The following PTBP3 variants were observed in gnomAD, a reference collection of about 807,000 sequenced individuals.
PTBP3 encodes the protein polypyrimidine tract binding protein 3.
In PTBP3, 20 loss-of-function variants were observed where a neutral mutation model predicts 58.7. The ratio of observed to expected loss-of-function variants is 0.34; its 90% confidence interval spans 0.24 to 0.50. The LOEUF (loss-of-function observed/expected upper bound fraction) is 0.50. Ranked by LOEUF, PTBP3 falls within the 20% of genes least tolerant of loss-of-function variation. PTBP3 has a pLI of 0.98. For synonymous variants in PTBP3, 185 were observed against 219.8 expected, an observed-to-expected ratio of 0.84 and a Z score of 1.40; for missense variants, 509 against 637.2, an observed-to-expected ratio of 0.80 and a Z score of 2.17.
At chr9:112,306,604 A>ATTTT (rs1554802909) in intron 1 of PTBP3, among the ~76,000 whole-genome samples, 30 of 104,024 alleles carry the variant, frequency 2.9e-4, no homozygotes, top group East Asian at 1.1e-3. Context: ...ATATATATAT[A>ATTTT]TTTTTGTTTG....
intron 1 of PTBP3, among the ~76,000 whole-genome samples, chr9:112,317,717 G>A (rs2132422473): frequency 6.6e-6 from 1 of 152,296 alleles, no homozygotes; most frequent in South Asian, 2.1e-4. Context: ...GGGAGGCCAA[G>A]GTGGGTGGAT....
intron 1 of PTBP3, among the ~76,000 whole-genome samples, chr9:112,306,539 T>C (rs1178534558): frequency 1.3e-5 from 2 of 151,336 alleles, no homozygotes; most frequent in African/African-American, 2.4e-5. Flanking sequence ...TCTGAAAATA[T>C]GATCAAATAT....
chr9:112,291,110 T>C (rs538040865), intron 2 of PTBP3, among the ~76,000 whole-genome samples: 1 of 152,042 alleles, frequency 6.6e-6, no homozygotes, highest in East Asian at 1.9e-4. Flanking sequence ...TAGTCCCAGC[T>C]ACTTGGGAGG....
At chr9:112,367,265 TTAGAG>T in the PTBP3 span, among the ~76,000 whole-genome samples, 279 of 152,370 alleles carry the variant, frequency 1.8e-3, no homozygotes, top group African/African-American at 6.2e-3. Flanking sequence ...CATTACTATA[TTAGAG>T]TATTCTGAAT....
chr9:112,217,821 A>C (rs1834673853), downstream of PTBP3: 1 of 152,242 alleles, frequency 6.6e-6, no homozygotes, highest in South Asian at 2.1e-4. Flanking sequence ...ATTCAAAATA[A>C]ATTCCCACTT....
chr9:112,274,444 A>C (rs1827520477), intron 3 of PTBP3, among the ~76,000 whole-genome samples: 1 of 152,232 alleles, frequency 6.6e-6, no homozygotes, highest in Non-Finnish European at 1.5e-5. Flanking sequence ...ACAGTATAAA[A>C]GATTTTTAGG....
intron 5 of PTBP3, among the ~76,000 whole-genome samples, chr9:112,257,757 T>C (rs1836430532): frequency 6.6e-6 from 1 of 152,112 alleles, no homozygotes; most frequent in Non-Finnish European, 1.5e-5. Context: ...CTGGCCAACA[T>C]GGCGAAATCC....
In PTBP3 at chr9:112,221,825, T is replaced by C; in HGVS notation, c.*2026A>G. 1.0e-6 allele frequency: 1 copy of C among 985,120 alleles called. No individual in the cohort carries two copies. The highest frequency in any genetic ancestry group is 1.2e-6 in the Non-Finnish European group (1 of 829,622). 61.0% of individuals were successfully genotyped at this position (985,120 alleles called of 1,614,324 possible). ...CTGTATCATCTCTTGCAGTCTCTAT[T>C]TTTTGGTAAAATTTCTTCTGTAAAA... On this transcript the variant is annotated 3_prime_UTR_variant, in exon 14 of 14. Transcript: ENST00000374257.
At chr9:112,333,706 A>ACCCCGCCCCCTCACCGT (rs1830489249), upstream of PTBP3, 4 of 328,778 alleles carry the variant, frequency 1.2e-5, no homozygotes, top group Non-Finnish European at 2.0e-5. Context: ...GCCTAGCCCG[A>ACCCCGCCCCCTCACCGT]CCCCGCCCCC....
chr9:112,248,646 C>G (rs1835980923), intron 7 of PTBP3, among the ~76,000 whole-genome samples: 1 of 152,140 alleles, frequency 6.6e-6, no homozygotes, highest in Non-Finnish European at 1.5e-5. Flanking sequence ...TCACTCCTTT[C>G]AGTAGGAGAT....
chr9:112,371,370 G>A, the PTBP3 span, among the ~76,000 whole-genome samples: 2 of 152,112 alleles, frequency 1.3e-5, no homozygotes, highest in African/African-American at 4.8e-5. Context: ...TTGCTGTCTT[G>A]TTTTCTCAAT....
At chr9:112,358,251 A>G in the PTBP3 span, among the ~76,000 whole-genome samples, 1 of 152,172 alleles carries the variant, frequency 6.6e-6, no homozygotes, top group Admixed American at 6.5e-5. Flanking sequence ...CAGAGGTTGC[A>G]GTGAGTAGAT....
At chr9:112,262,624 C>T (rs1232606366) in intron 4 of PTBP3, 25 bp from the exon 5 acceptor site, 1 of 1,527,892 alleles carries the variant, frequency 6.5e-7, no homozygotes, top group Middle Eastern at 1.7e-4. Context: ...AAAATGAGAA[C>T]TTTTGATTAT....
intron 2 of PTBP3, among the ~76,000 whole-genome samples, chr9:112,290,458 G>A (rs1022742526): frequency 6.6e-6 from 1 of 151,764 alleles, no homozygotes; most frequent in African/African-American, 2.4e-5. Context: ...GATTACTTGA[G>A]GTCAAGAGTT....
At chr9:112,278,498 TGAAA>T (rs1827721442) in intron 2 of PTBP3, among the ~76,000 whole-genome samples, 1 of 152,324 alleles carries the variant, frequency 6.6e-6, no homozygotes, top group African/African-American at 2.4e-5. Flanking sequence ...CCAACAAGAA[TGAAA>T]GAACACTAAG....
At chr9:112,270,656 T>G (rs560669898) in intron 3 of PTBP3, among the ~76,000 whole-genome samples, 1 of 152,292 alleles carries the variant, frequency 6.6e-6, no homozygotes, top group South Asian at 2.1e-4. Context: ...TTACTAAGAA[T>G]TCTCCCCATT....
At chr9:112,368,217 C>A in the PTBP3 span, among the ~76,000 whole-genome samples, 1 of 152,212 alleles carries the variant, frequency 6.6e-6, no homozygotes, top group Non-Finnish European at 1.5e-5. Context: ...GTTGCCCAGG[C>A]TGGAGTACAA....
intron 1 of PTBP3, among the ~76,000 whole-genome samples, chr9:112,300,058 A>G (rs1828849606): frequency 6.6e-6 from 1 of 152,238 alleles, no homozygotes; most frequent in Admixed American, 6.5e-5. Flanking sequence ...TAAAACCACA[A>G]TGAAATACTG....
At chr9:112,352,687 G>A in the PTBP3 span, among the ~76,000 whole-genome samples, 4 of 152,100 alleles carry the variant, frequency 2.6e-5, no homozygotes, top group Non-Finnish European at 5.9e-5. Flanking sequence ...AAAATGGCAC[G>A]GAGTGACTAT....
Sources: gnomAD v4.1 joint callset for allele counts (sites outside exome capture counted in the v4.1 genomes callset) on GRCh38, gnomAD v4.1.1 for gene constraint, MANE v1.5 for transcripts, NCBI Gene and HGNC (gene_info 2026-07-23, HGNC 2026-07-21) for gene names.